The following GRK5 variants were observed in gnomAD, a reference collection of about 807,000 sequenced individuals.
GRK5 encodes g protein-coupled receptor kinase GRK5.
Under a neutral mutation model 78.4 loss-of-function variants are expected in GRK5, and 40 were observed. That is an observed-to-expected ratio of 0.51 (90% confidence interval 0.40 to 0.66). The LOEUF (loss-of-function observed/expected upper bound fraction) is 0.66. Among genes scored for constraint, GRK5 ranks in the 30% least tolerant of loss-of-function variants. GRK5 has a pLI of 0.00. For missense variants in GRK5, 598 were observed against 759.9 expected, an observed-to-expected ratio of 0.79 and a Z score of 2.50; for synonymous variants, 289 against 296.8, an observed-to-expected ratio of 0.97 and a Z score of 0.27.
intron 1 of GRK5, among the ~76,000 whole-genome samples, chr10:119,279,162 G>A (rs972707041): frequency 3.9e-5 from 6 of 152,218 alleles, no homozygotes; most frequent in Non-Finnish European, 8.8e-5. Flanking sequence ...TTACAGGCGT[G>A]AGCCACTGCG....
rs768622874 is a variant in GRK5, at chr10:119,443,624, G to A, written c.1138G>A (p.Glu380Lys). The change falls in exon 12 of 16, where the codon GAG becomes AAG. Residue 380 changes from glutamate to lysine, a missense_variant. By Grantham distance (56) the Glu-to-Lys change is moderately conservative. Transcript: ENST00000392870. ...GLGCLIYEMI[E>K]GQSPFRGRKE... ...TGGCTGCCTCATCTATGAGATGATC[G>A]AGGGCCAGTCGCCGTTCCGCGGCCG... 8.6e-5 allele frequency: 139 copies of A among 1,613,498 alleles called. 1 individual carries two copies. In the Admixed American group the frequency reaches 2.2e-3, roughly 26 times the overall value.
intron 2 of GRK5, among the ~76,000 whole-genome samples, chr10:119,341,730 T>C (rs1326558225): frequency 6.6e-6 from 1 of 152,110 alleles, no homozygotes; most frequent in African/African-American, 2.4e-5. Context: ...TACCAGGCAC[T>C]TGTAGAATCT....
chr10:119,374,414 G>T (rs1039867525), intron 2 of GRK5, among the ~76,000 whole-genome samples: 5 of 152,158 alleles, frequency 3.3e-5, no homozygotes, highest in African/African-American at 1.2e-4. Flanking sequence ...GGCAAGCGAG[G>T]TCTCTCCCAA....
chr10:119,237,889 C>T (rs1157542087), intron 1 of GRK5, among the ~76,000 whole-genome samples: 1 of 151,722 alleles, frequency 6.6e-6, no homozygotes. Flanking sequence ...TATTATGGGC[C>T]AGCTGTTAAT....
chr10:119,286,179 C>T (rs1849843961), intron 1 of GRK5, among the ~76,000 whole-genome samples: 1 of 150,912 alleles, frequency 6.6e-6, no homozygotes, highest in Non-Finnish European at 1.5e-5. Context: ...CAAATGTACT[C>T]AAAAAATAGA....
At chr10:119,221,251 G>T (rs182338150) in intron 1 of GRK5, among the ~76,000 whole-genome samples, 4 of 152,096 alleles carry the variant, frequency 2.6e-5, no homozygotes, top group Admixed American at 6.5e-5. Context: ...AATAATTAGC[G>T]TCAGCATGTA....
chr10:119,456,087 T>C lies in GRK5; in HGVS notation c.*1020T>C, dbSNP rs1439617458. The C allele has an allele frequency of 6.6e-6, 1 of 152,322 alleles. No individual in the cohort carries two copies. The highest frequency in any genetic ancestry group is 1.5e-5 in the Non-Finnish European group (1 of 68,140). 9.4% of individuals were successfully genotyped at this position (152,322 alleles called of 1,614,324 possible). ...ACAGGAGCATCGGGAAGTGAGGCAG[T>C]GCGCTCATCCTGACGGAGCAGCGTC... On this transcript the variant is annotated 3_prime_UTR_variant, in exon 16 of 16. Coordinates refer to ENST00000392870, the MANE Select transcript of GRK5 (RefSeq NM_005308.3). This position sits in a 1 kb window ranked among gnomAD's most constrained non-coding sequence, Gnocchi z 5.5.
chr10:119,218,269 C>G (rs185884530), intron 1 of GRK5, among the ~76,000 whole-genome samples: 1 of 152,188 alleles, frequency 6.6e-6, no homozygotes, highest in Admixed American at 6.5e-5. Context: ...TGCTTTTGAT[C>G]TGCTCCTGCA....
At position 119,442,058 on chromosome 10, in the gene GRK5, C is replaced by T. The variant is rs1011638074; in HGVS notation, c.1027C>T (p.Arg343Cys). 12 of 1,613,892 alleles carry T rather than the reference C, an allele frequency of 7.4e-6. No homozygotes were observed. The highest frequency in any genetic ancestry group is 1.1e-5 in the South Asian group (1 of 91,090). The change falls in exon 11 of 16, where the codon CGC (arginine) becomes TGC (cysteine). Residue 343 changes from arginine (R) to cysteine (C), a missense_variant. Arg to Cys is a radical substitution (Grantham distance 180). Coordinates refer to ENST00000392870, the MANE Select transcript of GRK5 (RefSeq NM_005308.3). ...GAAGATCCCCGAGGGAGACCTGATC[C>T]GCGGCCGGGTGGGCACTGTTGGCTA... ...AVKIPEGDLI[R>C]GRVGTVGYMA...
rs59742803 is a variant in GRK5, at chr10:119,218,074, T to TTGTGTGTGTGTG, written c.52+10123_52+10134dup. Among the ~76,000 whole-genome samples, 200 of 146,584 alleles carry TTGTGTGTGTGTG rather than the reference T, an allele frequency of 1.4e-3. 1 individual carries two copies. The highest frequency in any genetic ancestry group is 0.013 in the East Asian group (62 of 4,926). On this transcript the variant is annotated intron_variant, in intron 1 of 15. Coordinates refer to ENST00000392870, the MANE Select transcript of GRK5 (RefSeq NM_005308.3). ...GCATTTAGAAACCATGTCAACCCGT[T>TTGTGTGTGTGTG]TGTGTGTGTGTGTGTGTGTGTGTGT...
At chr10:119,286,190 G>A (rs1415145411) in intron 1 of GRK5, among the ~76,000 whole-genome samples, 2 of 152,156 alleles carry the variant, frequency 1.3e-5, no homozygotes, top group East Asian at 3.8e-4. Context: ...AAAAAATAGA[G>A]AGGATAGTGT....
At chr10:119,352,932 G>T (rs974676312) in intron 2 of GRK5, among the ~76,000 whole-genome samples, 1 of 152,332 alleles carries the variant, frequency 6.6e-6, no homozygotes, top group South Asian at 2.1e-4. Flanking sequence ...GGCCACCCGG[G>T]CTCCGTCCTC....
Position 119,443,610 on chromosome 10 carries a change from T to C in GRK5, c.1124T>C (p.Ile375Thr), listed in dbSNP as rs1390718974. 6.2e-7 allele frequency: 1 copy of C among 1,613,728 alleles called. No individual in the cohort carries two copies. Among genetic ancestry groups the C allele is most frequent in the Admixed American group, 1.7e-5 (1 of 60,016 alleles). ...SPDYWGLGCL[I>T]YEMIEGQSPF... ...GACTACTGGGGCCTTGGCTGCCTCA[T>C]CTATGAGATGATCGAGGGCCAGTCG... Residue 375 changes from isoleucine to threonine, a missense_variant, in exon 12 of 16, where the codon ATC becomes ACC. Physicochemically the swap from Ile to Thr is moderately conservative, Grantham distance 89 (BLOSUM62 -1). Transcript: ENST00000392870.
intron 1 of GRK5, among the ~76,000 whole-genome samples, chr10:119,210,821 A>G (rs1371418058): frequency 6.6e-6 from 1 of 152,248 alleles, no homozygotes; most frequent in East Asian, 1.9e-4. Context: ...CACTTTGAAA[A>G]TGCTGTAAAA....
At chr10:119,237,946 AGTTGAGGGATGGAGGAAGG>A (rs1308564719) in intron 1 of GRK5, among the ~76,000 whole-genome samples, 1 of 3,990 alleles carries the variant, frequency 2.5e-4, no homozygotes, top group Non-Finnish European at 1.1e-3. Context: ...AAGGGGCTGG[AGTTGAGGGATGGAGGAAGG>A]GGCTGGAGTT....
intron 13 of GRK5, among the ~76,000 whole-genome samples, chr10:119,451,558 C>T (rs1465520672): frequency 1.3e-5 from 2 of 152,190 alleles, no homozygotes; most frequent in Non-Finnish European, 2.9e-5. Context: ...GTCTTGCTTC[C>T]AGCTAAAAGT....
At chr10:119,343,449 A>T (rs1354551145) in intron 2 of GRK5, among the ~76,000 whole-genome samples, 1 of 152,196 alleles carries the variant, frequency 6.6e-6, no homozygotes, top group Non-Finnish European at 1.5e-5. Flanking sequence ...TATTTTAGGG[A>T]TGACGATGCA....
At chr10:119,273,329 T>C (rs2133677691) in intron 1 of GRK5, among the ~76,000 whole-genome samples, 1 of 152,242 alleles carries the variant, frequency 6.6e-6, no homozygotes, top group South Asian at 2.1e-4. Context: ...GGGGCTTTGA[T>C]GGGGTCTTTT....
chr10:119,286,554 C>A (rs1409308599), intron 1 of GRK5, among the ~76,000 whole-genome samples: 1 of 152,238 alleles, frequency 6.6e-6, no homozygotes, highest in East Asian at 1.9e-4. Context: ...AAGTTCAATT[C>A]TCTCAGGAGT....
Sources: gnomAD v4.1 joint callset for allele counts (sites outside exome capture counted in the v4.1 genomes callset) on GRCh38, gnomAD v4.1.1 for gene constraint, Gnocchi (gnomAD v3.1) non-coding constraint, MANE v1.5 for transcripts, NCBI Gene and HGNC (gene_info 2026-07-23, HGNC 2026-07-21) for gene names.